Variants in LINC00305 observed in about 807,000 individuals in gnomAD.
LINC00305 encodes long intergenic non-protein coding RNA 305.
At chr18:64,117,572 G>A (rs2051343311) in intron 1 of LINC00305, among the ~76,000 whole-genome samples, 1 of 152,188 alleles carries the variant, frequency 6.6e-6, no homozygotes, top group Non-Finnish European at 1.5e-5. Context: ...TCTCAGAGAT[G>A]TAGTCCTGAA....
intron 3 of LINC00305, among the ~76,000 whole-genome samples, chr18:64,081,254 A>G (rs148474202): frequency 6.6e-6 from 1 of 152,386 alleles, no homozygotes; most frequent in African/African-American, 2.4e-5. Flanking sequence ...CAGACTACTA[A>G]TGTGGCAAAA....
chr18:64,094,857 A>AAATAAATAAATAAATAAATAAATAAAT (rs2051238913), intron 3 of LINC00305, among the ~76,000 whole-genome samples: 2 of 91,796 alleles, frequency 2.2e-5, no homozygotes, highest in African/African-American at 1.2e-4. Context: ...TCATCTCAAA[A>AAATAAATAAATAAATAAATAAATAAAT]AATAAATAAA....
chr18:64,099,492 A>G (rs2051259953), intron 1 of LINC00305, among the ~76,000 whole-genome samples: 1 of 152,186 alleles, frequency 6.6e-6, no homozygotes, highest in South Asian at 2.1e-4. Flanking sequence ...GGACCCAGAG[A>G]TGGAAGAGGC....
intron 1 of LINC00305, among the ~76,000 whole-genome samples, chr18:64,102,198 T>C (rs2051270054): frequency 6.6e-6 from 1 of 152,176 alleles, no homozygotes; most frequent in Non-Finnish European, 1.5e-5. Context: ...AATGCTTTCA[T>C]GAGAGAAGCC....
At chr18:64,136,254 G>T (rs1275553743) in intron 1 of LINC00305, among the ~76,000 whole-genome samples, 1 of 152,146 alleles carries the variant, frequency 6.6e-6, no homozygotes, top group Non-Finnish European at 1.5e-5. Flanking sequence ...ACAGATGAGG[G>T]TTTTCCACAC....
At chr18:64,116,765 T>C (rs2051339624) in intron 1 of LINC00305, among the ~76,000 whole-genome samples, 1 of 152,186 alleles carries the variant, frequency 6.6e-6, no homozygotes, top group Non-Finnish European at 1.5e-5. Context: ...AATCTTTGCT[T>C]TGACAGTCCA....
chr18:64,084,298 C>T (rs140650100), intron 3 of LINC00305, among the ~76,000 whole-genome samples: 11 of 152,176 alleles, frequency 7.2e-5, no homozygotes, highest in Admixed American at 1.3e-4. Flanking sequence ...CCATAAGAAT[C>T]CAATTCATTA....
intron 3 of LINC00305, among the ~76,000 whole-genome samples, chr18:64,096,359 A>G (rs2051245127): frequency 6.6e-6 from 1 of 152,064 alleles, no homozygotes; most frequent in Admixed American, 6.5e-5. Context: ...TAAAATTATC[A>G]ATGTCCGAAA....
At chr18:64,099,358 G>A (rs1313107110) in intron 1 of LINC00305, among the ~76,000 whole-genome samples, 1 of 152,056 alleles carries the variant, frequency 6.6e-6, no homozygotes, top group Non-Finnish European at 1.5e-5. Context: ...AGATGAATGA[G>A]GCACAATCGT....
chr18:64,137,870 A>T (rs1339746494), intron 1 of LINC00305, among the ~76,000 whole-genome samples: 2 of 151,924 alleles, frequency 1.3e-5, no homozygotes, highest in Admixed American at 1.3e-4. Context: ...ACACACACAC[A>T]ATATAAATCA....
intron 3 of LINC00305, among the ~76,000 whole-genome samples, chr18:64,097,478 G>A (rs1418870544): frequency 6.6e-6 from 1 of 152,000 alleles, no homozygotes; most frequent in Non-Finnish European, 1.5e-5. Flanking sequence ...AAACAATAAT[G>A]TAAAACTTGT....
At chr18:64,115,680 T>C (rs2051334436) in intron 1 of LINC00305, among the ~76,000 whole-genome samples, 1 of 152,212 alleles carries the variant, frequency 6.6e-6, no homozygotes. Context: ...TTCTAAACTT[T>C]AGACGGTTCT....
exon 3 of LINC00305, chr18:64,097,980 G>T: frequency 2.2e-6 from 1 of 457,820 alleles, no homozygotes; most frequent in South Asian, 1.5e-5. Flanking sequence ...ATCTTTGCAG[G>T]TCGCAGAGAT....
intron 1 of LINC00305, among the ~76,000 whole-genome samples, chr18:64,138,653 C>T (rs553069984): frequency 2.0e-5 from 3 of 152,100 alleles, no homozygotes; most frequent in Non-Finnish European, 2.9e-5. Flanking sequence ...TTTCCTTCAC[C>T]GTTTTTCTCA....
chr18:64,140,225 T>C (rs1190060350), intron 1 of LINC00305, among the ~76,000 whole-genome samples: 1 of 152,124 alleles, frequency 6.6e-6, no homozygotes, highest in Non-Finnish European at 1.5e-5. Context: ...TTCTTTTTTT[T>C]TGAGACAGAG....
At chr18:64,130,081 T>C (rs2051402603) in intron 1 of LINC00305, among the ~76,000 whole-genome samples, 1 of 152,080 alleles carries the variant, frequency 6.6e-6, no homozygotes, top group African/African-American at 2.4e-5. Context: ...GCTGCACCCA[T>C]TAACTCATCA....
intron 1 of LINC00305, among the ~76,000 whole-genome samples, chr18:64,113,875 T>G (rs1043312568): frequency 6.6e-6 from 1 of 152,220 alleles, no homozygotes; most frequent in Non-Finnish European, 1.5e-5. Context: ...ACACTGAAAC[T>G]TGTAATTCTC....
intron 1 of LINC00305, among the ~76,000 whole-genome samples, chr18:64,117,221 T>C (rs578072478): frequency 5.9e-5 from 9 of 152,322 alleles, no homozygotes; most frequent in African/African-American, 1.7e-4. Flanking sequence ...TATGGAACTT[T>C]GTGACTTAGT....
At chr18:64,136,557 C>T (rs572157882) in intron 1 of LINC00305, among the ~76,000 whole-genome samples, 4 of 152,292 alleles carry the variant, frequency 2.6e-5, no homozygotes, top group Admixed American at 1.3e-4. Flanking sequence ...TCAATTATCT[C>T]CACCTGGTCC....
Sources: allele counts gnomAD v4.1 joint callset (sites outside exome capture counted in the v4.1 genomes callset), GRCh38; gene constraint gnomAD v4.1.1; transcripts MANE v1.5; gene names NCBI Gene and HGNC (gene_info 2026-07-23, HGNC 2026-07-21).